DPP10: variants seen among roughly 807,000 people sequenced by gnomAD.
The protein encoded by DPP10 is dipeptidyl peptidase like 10.
A neutral mutation model predicts 120.9 loss-of-function variants in DPP10; 33 were observed. The observed-to-expected ratio is 0.27, with a 90% CI of 0.21 to 0.37. The LOEUF (loss-of-function observed/expected upper bound fraction) is 0.37. Among genes scored for constraint, DPP10 ranks in the 10% least tolerant of loss-of-function variants. The probability of loss-of-function intolerance (pLI) is 1.00; values close to 1 mark genes in which losing one functional copy is unlikely to be tolerated. For missense variants in DPP10, 816 were observed against 942.8 expected (o/e 0.87, Z 1.76); for synonymous variants, 337 against 326.1 (o/e 1.03, Z -0.36).
intron 5 of DPP10, among the ~76,000 whole-genome samples, chr2:115,625,037 A>G (rs543574998): frequency 2.0e-5 from 3 of 151,688 alleles, no homozygotes; most frequent in Admixed American, 2.0e-4. Context: ...AATTTTATAA[A>G]TATATAAATA....
At position 115,842,806 on chromosome 2, in the gene DPP10, A is replaced by G. The variant is rs1690283018; in HGVS notation, c.*461A>G. On this transcript the variant is annotated 3_prime_UTR_variant, in exon 26 of 26. Coordinates refer to ENST00000410059, the MANE Select transcript of DPP10 (RefSeq NM_020868.6). The stretch of plus-strand genomic sequence containing the variant: ...AATAAGTGCAATTCTTTCATTGTCT[A>G]TTATTATGCTTAAGAAAATATTCAG... 6.5e-6 allele frequency: 1 copy of G among 152,804 alleles called. No homozygotes were observed. Among genetic ancestry groups the G allele is most frequent in the Non-Finnish European group, 1.5e-5 (1 of 68,160 alleles). 9.5% of individuals were successfully genotyped at this position (152,804 alleles called of 1,614,324 possible).
intron 1 of DPP10, among the ~76,000 whole-genome samples, chr2:114,584,247 T>G (rs971511368): frequency 1.3e-5 from 2 of 152,146 alleles, no homozygotes; most frequent in Non-Finnish European, 2.9e-5. Flanking sequence ...TCTTCTCTTT[T>G]TGTAGTTAGT....
chr2:114,819,729 T>G (rs1685934312), intron 1 of DPP10, among the ~76,000 whole-genome samples: 1 of 152,188 alleles, frequency 6.6e-6, no homozygotes, highest in Admixed American at 6.5e-5. Flanking sequence ...TTTGAAAGCC[T>G]TTTTCTTTTG....
intron 3 of DPP10, among the ~76,000 whole-genome samples, chr2:115,462,043 C>G (rs955462949): frequency 2.0e-5 from 3 of 152,080 alleles, no homozygotes; most frequent in Non-Finnish European, 4.4e-5. Context: ...CTATTTTCTT[C>G]TAAAGAATTG....
At chr2:114,466,312 T>C (rs570727537) in intron 1 of DPP10, among the ~76,000 whole-genome samples, 4 of 152,236 alleles carry the variant, frequency 2.6e-5, no homozygotes, top group Admixed American at 6.5e-5. Context: ...TTATGTGGTT[T>C]GTTCATATAT....
chr2:114,925,889 T>A (rs941569933), intron 1 of DPP10, among the ~76,000 whole-genome samples: 1 of 152,174 alleles, frequency 6.6e-6, no homozygotes. Flanking sequence ...TCCTTGGCAA[T>A]TATTCAAGCA....
At chr2:114,603,272 A>C (rs1458160191) in intron 1 of DPP10, among the ~76,000 whole-genome samples, 1 of 152,124 alleles carries the variant, frequency 6.6e-6, no homozygotes, top group Non-Finnish European at 1.5e-5. Flanking sequence ...TTCATACGAA[A>C]AAAATGGAGG....
chr2:114,803,822 G>T (rs764121668), intron 1 of DPP10, among the ~76,000 whole-genome samples: 1 of 152,164 alleles, frequency 6.6e-6, no homozygotes, highest in Non-Finnish European at 1.5e-5. Flanking sequence ...TATGTGGATA[G>T]AAAAGAAAAA....
chr2:115,050,815 G>A (rs1217281827), intron 1 of DPP10, among the ~76,000 whole-genome samples: 5 of 152,178 alleles, frequency 3.3e-5, no homozygotes, highest in Non-Finnish European at 7.3e-5. Flanking sequence ...ACACACAGAA[G>A]CCCATCTCAA....
chr2:115,592,627 G>A (rs1264956481), intron 5 of DPP10, among the ~76,000 whole-genome samples: 4 of 151,916 alleles, frequency 2.6e-5, no homozygotes, highest in Non-Finnish European at 5.9e-5. Context: ...GTGGTGGCTT[G>A]TGCCTGTAGT....
At chr2:115,431,452 A>G (rs759241891) in intron 3 of DPP10, among the ~76,000 whole-genome samples, 7 of 152,192 alleles carry the variant, frequency 4.6e-5, no homozygotes, top group Non-Finnish European at 7.4e-5. Flanking sequence ...GATGAGGGAA[A>G]AAATAAACAT....
intron 1 of DPP10, among the ~76,000 whole-genome samples, chr2:114,626,520 T>C (rs937024513): frequency 5.4e-4 from 82 of 152,052 alleles, no homozygotes; most frequent in African/African-American, 1.9e-3. Flanking sequence ...GCTGCCACGT[T>C]TCACCAAGGG....
chr2:115,519,452 C>T (rs574084508), intron 4 of DPP10, among the ~76,000 whole-genome samples: 3 of 151,710 alleles, frequency 2.0e-5, no homozygotes, highest in South Asian at 2.1e-4. Context: ...ATTATGTTTA[C>T]AAAATATAGA....
intron 1 of DPP10, among the ~76,000 whole-genome samples, chr2:115,135,272 A>G (rs959503273): frequency 5.9e-5 from 9 of 151,842 alleles, no homozygotes; most frequent in African/African-American, 2.2e-4. Context: ...GAGCAAATAG[A>G]ACATAATAGC....
At chr2:115,051,745 G>A (rs1705498095) in intron 1 of DPP10, among the ~76,000 whole-genome samples, 1 of 152,108 alleles carries the variant, frequency 6.6e-6, no homozygotes, top group African/African-American at 2.4e-5. Context: ...ATAAGCTCTA[G>A]AGATGTAGCA....
At chr2:114,462,845 C>T (rs1331483029) in intron 1 of DPP10, among the ~76,000 whole-genome samples, 1 of 152,156 alleles carries the variant, frequency 6.6e-6, no homozygotes, top group African/African-American at 2.4e-5. Context: ...GGATATCTGT[C>T]TCTTCCTCTT....
chr2:114,590,199 G>T (rs1033434346), intron 1 of DPP10, among the ~76,000 whole-genome samples: 1 of 152,020 alleles, frequency 6.6e-6, no homozygotes, highest in Non-Finnish European at 1.5e-5. Context: ...ATAATGAATT[G>T]CTCCTCAAAG....
At chr2:114,804,414 G>A (rs962436097) in intron 1 of DPP10, among the ~76,000 whole-genome samples, 12 of 152,164 alleles carry the variant, frequency 7.9e-5, no homozygotes, top group African/African-American at 2.9e-4. Flanking sequence ...CTCCCAGAAT[G>A]GTAGATCCAC....
intron 5 of DPP10, among the ~76,000 whole-genome samples, chr2:115,660,884 A>T (rs1408075702): frequency 6.6e-6 from 1 of 151,884 alleles, no homozygotes; most frequent in Admixed American, 6.6e-5. Context: ...ATTCTTAAAA[A>T]CTTAGTGTGT....
Sources: allele counts gnomAD v4.1 joint callset (sites outside exome capture counted in the v4.1 genomes callset), GRCh38; gene constraint gnomAD v4.1.1; transcripts MANE v1.5; gene names NCBI Gene and HGNC (gene_info 2026-07-23, HGNC 2026-07-21).